The following ZNF148 variants were observed in gnomAD, a reference collection of about 807,000 sequenced individuals.
ZNF148 encodes the protein zinc finger protein 148.
Under a neutral mutation model 67.7 loss-of-function variants are expected in ZNF148, and 7 were observed. The ratio of observed to expected loss-of-function variants is 0.10; its 90% CI spans 0.06 to 0.19. The LOEUF is 0.19. ZNF148 is among the 10% of genes least tolerant of loss of function. The probability of loss-of-function intolerance (pLI) is 1.00; values close to 1 mark genes in which losing one functional copy is unlikely to be tolerated. For missense variants in ZNF148, 583 were observed against 947.1 expected, an observed-to-expected ratio of 0.62 and a Z score of 5.05; for synonymous variants, 333 against 330.7, an observed-to-expected ratio of 1.01 and a Z score of -0.08.
intron 1 of ZNF148, among the ~76,000 whole-genome samples, chr3:125,374,773 C>A (rs966474883): frequency 2.0e-5 from 3 of 152,068 alleles, no homozygotes; most frequent in Admixed American, 6.6e-5. Flanking sequence ...ACACCCAGCA[C>A]CCTCCGGCCT....
At chr3:125,267,258 G>C (rs1185954579) in intron 7 of ZNF148, among the ~76,000 whole-genome samples, 1 of 150,212 alleles carries the variant, frequency 6.7e-6, no homozygotes, top group Admixed American at 6.6e-5. Context: ...AGACACAACG[G>C]GGAAAAAAAA....
chr3:125,232,380 T>C lies in ZNF148; in HGVS notation c.2346A>G (p.Thr782=). 6.2e-7 allele frequency: 1 copy of C among 1,610,374 alleles called. No individual in the cohort carries two copies. Among genetic ancestry groups the C allele is most frequent in the Non-Finnish European group, 8.5e-7 (1 of 1,177,210 alleles). Residue 782 remains threonine (T), a synonymous_variant, in exon 9 of 9, where the codon ACA becomes ACG. Transcript: ENST00000360647. This position sits in a 1 kb window ranked among gnomAD's most constrained non-coding sequence, Gnocchi z 4.2. ...VNVNDNRAGM[T]SSPDATTGQT... ...GGCCAGTTGTGGCATCAGGTGAAGA[T>C]GTCATCCCAGCTCTATTATCATTTA...
chr3:125,298,446 A>G (rs1311837463), intron 4 of ZNF148, among the ~76,000 whole-genome samples: 3 of 151,904 alleles, frequency 2.0e-5, no homozygotes, highest in Non-Finnish European at 1.5e-5. Context: ...AATGTGATTA[A>G]ATAAATTATG....
intron 1 of ZNF148, among the ~76,000 whole-genome samples, chr3:125,335,825 GT>G (rs1380596574): frequency 6.6e-6 from 1 of 152,134 alleles, no homozygotes; most frequent in Non-Finnish European, 1.5e-5. Flanking sequence ...TCTTTACGTT[GT>G]TTGCAGAGTA....
chr3:125,292,045 T>G (rs1002468685), intron 4 of ZNF148, among the ~76,000 whole-genome samples: 1 of 152,100 alleles, frequency 6.6e-6, no homozygotes, highest in Admixed American at 6.6e-5. Context: ...AGGAGAAATT[T>G]AAGATTTAAA....
At chr3:125,358,911 AGACAT>A (rs1209653655) in intron 1 of ZNF148, among the ~76,000 whole-genome samples, 3 of 152,204 alleles carry the variant, frequency 2.0e-5, no homozygotes, top group Non-Finnish European at 2.9e-5. Flanking sequence ...TGTATTGTGA[AGACAT>A]TTATCTATGT....
chr3:125,326,227 T>C (rs1314466190), intron 2 of ZNF148, among the ~76,000 whole-genome samples: 2 of 152,146 alleles, frequency 1.3e-5, no homozygotes, highest in Admixed American at 6.5e-5. Flanking sequence ...ATGGCAAATA[T>C]GTGGATTAAT....
intron 7 of ZNF148, among the ~76,000 whole-genome samples, chr3:125,276,521 C>T (rs1484521039): frequency 6.6e-6 from 1 of 152,060 alleles, no homozygotes; most frequent in African/African-American, 2.4e-5. Flanking sequence ...GCAACCTCCG[C>T]CTCCCGGGTT....
chr3:125,338,223 A>G (rs1054739885), intron 1 of ZNF148, among the ~76,000 whole-genome samples: 2 of 152,222 alleles, frequency 1.3e-5, no homozygotes, highest in Non-Finnish European at 2.9e-5. Flanking sequence ...ACTCTTAGCA[A>G]TATTCTAGGA....
chr3:125,342,923 T>C (rs944778089), intron 1 of ZNF148, among the ~76,000 whole-genome samples: 3 of 152,170 alleles, frequency 2.0e-5, no homozygotes, highest in Non-Finnish European at 4.4e-5. Context: ...TGTATGCATA[T>C]AATAACCAAA....
At chr3:125,327,309 C>T (rs1941072746) in intron 2 of ZNF148, among the ~76,000 whole-genome samples, 1 of 151,966 alleles carries the variant, frequency 6.6e-6, no homozygotes, top group Non-Finnish European at 1.5e-5. Context: ...ATCTCAATGT[C>T]CCACTCTAAA....
intron 5 of ZNF148, among the ~76,000 whole-genome samples, chr3:125,282,824 G>T (rs1579699739): frequency 6.6e-6 from 1 of 152,042 alleles, no homozygotes; most frequent in Admixed American, 6.6e-5. Context: ...ACTCCATAAG[G>T]ATCACTGCCA....
intron 3 of ZNF148, among the ~76,000 whole-genome samples, chr3:125,323,097 T>C (rs1489366290): frequency 6.6e-6 from 1 of 152,158 alleles, no homozygotes; most frequent in Admixed American, 6.5e-5. Flanking sequence ...AGACTACACA[T>C]TTTTGTTGTG....
chr3:125,283,949 G>T (rs889704125), intron 5 of ZNF148, among the ~76,000 whole-genome samples: 25 of 152,174 alleles, frequency 1.6e-4, no homozygotes, highest in African/African-American at 5.8e-4. Flanking sequence ...ATCACCTAAA[G>T]TGTTACAACA....
intron 1 of ZNF148, among the ~76,000 whole-genome samples, chr3:125,371,380 G>C (rs1434159671): frequency 7.3e-6 from 1 of 137,800 alleles, no homozygotes; most frequent in African/African-American, 2.6e-5. Context: ...AAAGGGGGGG[G>C]GGGGGGCAGG....
intron 7 of ZNF148, among the ~76,000 whole-genome samples, chr3:125,255,236 C>CTTT (rs59309462): frequency 1.6e-5 from 1 of 62,136 alleles, no homozygotes; most frequent in Non-Finnish European, 2.8e-5. Flanking sequence ...TCTCCACCTG[C>CTTT]TTTTTTTTTT....
chr3:125,269,886 T>C (rs547747833), intron 7 of ZNF148, among the ~76,000 whole-genome samples: 5 of 152,162 alleles, frequency 3.3e-5, no homozygotes, highest in South Asian at 4.1e-4. Context: ...TTCCCACTTA[T>C]AAGTGGGCGT....
At chr3:125,256,145 C>T (rs957520392) in intron 7 of ZNF148, among the ~76,000 whole-genome samples, 7 of 151,528 alleles carry the variant, frequency 4.6e-5, no homozygotes, top group Non-Finnish European at 8.8e-5. Context: ...GGGTGGATCA[C>T]GAGGTCAGGA....
intron 7 of ZNF148, among the ~76,000 whole-genome samples, chr3:125,249,425 C>G (rs1468320063): frequency 6.6e-6 from 1 of 152,078 alleles, no homozygotes; most frequent in Non-Finnish European, 1.5e-5. Flanking sequence ...AAAATGTACT[C>G]AACATCACAA....
Sources: allele counts gnomAD v4.1 joint callset (sites outside exome capture counted in the v4.1 genomes callset), GRCh38; gene constraint gnomAD v4.1.1; non-coding constraint Gnocchi (gnomAD v3.1); transcripts MANE v1.5; gene names NCBI Gene and HGNC (gene_info 2026-07-23, HGNC 2026-07-21).